Variants in ZEB1 observed in about 807,000 individuals in gnomAD.
The protein encoded by ZEB1 is zinc finger E-box-binding homeobox 1.
Under a neutral mutation model 84.9 loss-of-function variants are expected in ZEB1, and 21 were observed. That is an observed-to-expected ratio of 0.25 (90% CI 0.18 to 0.36). The LOEUF (loss-of-function observed/expected upper bound fraction) is 0.36, where lower values mean the gene tolerates loss of function less well. ZEB1 is among the 10% of genes least tolerant of loss of function. The pLI, the probability that ZEB1 is intolerant of heterozygous loss-of-function variation, is 1.00. For missense variants in ZEB1, 1,104 were observed against 1,330.2 expected (o/e 0.83, Z 2.65); for synonymous variants, 420 against 471.1 (o/e 0.89, Z 1.41).
chr10:31,397,493 G>A (rs1030663548), intron 1 of ZEB1, among the ~76,000 whole-genome samples: 1 of 151,792 alleles, frequency 6.6e-6, no homozygotes, highest in Non-Finnish European at 1.5e-5. Context: ...TCCTATTTTT[G>A]GACAGGCATA....
At chr10:31,449,481 TC>T (rs1387436237) in intron 1 of ZEB1, among the ~76,000 whole-genome samples, 1 of 152,216 alleles carries the variant, frequency 6.6e-6, no homozygotes, top group Non-Finnish European at 1.5e-5. Flanking sequence ...CAGTTTTTTT[TC>T]TAAGTTAAAG....
At position 31,446,519 on chromosome 10, in the gene ZEB1, G is replaced by A. The variant is rs952134076; in HGVS notation, c.59-14518G>A. Among the ~76,000 whole-genome samples, 102 of 149,104 alleles carry A rather than the reference G, an allele frequency of 6.8e-4. 2 individuals carry two copies. Among genetic ancestry groups the A allele is most frequent in the African/African-American group, 2.4e-3 (98 of 40,750 alleles). ...ATTGTGATGTTAGGGTGTCAATTTT[G>A]GATCTTTCCTGCTTTCTCTTGTGGG... On this transcript the variant is annotated intron_variant, in intron 1 of 8. Transcript: ENST00000424869.
chr10:31,510,971 G>T lies in ZEB1; in HGVS notation c.687+96G>T. 2 of 1,191,264 alleles carry T rather than the reference G, an allele frequency of 1.7e-6. 1 individual carries two copies. The allele number at this position is 1,191,264 out of a possible 1,614,324, so 73.8% of individuals were successfully genotyped here. On this transcript the variant is annotated intron_variant, in intron 5 of 8. Transcript: ENST00000424869. ...ATTTTAATATATTTGAAAGTTAAAA[G>T]AATGTACTAAACAGTGCTATATCTG... is the stretch of plus-strand genomic sequence containing the variant.
intron 2 of ZEB1, among the ~76,000 whole-genome samples, chr10:31,486,543 T>C (rs1407907048): frequency 6.6e-6 from 1 of 151,598 alleles, no homozygotes; most frequent in Non-Finnish European, 1.5e-5. Flanking sequence ...TAACACCTTT[T>C]GTGTATTTTC....
At chr10:31,443,633 A>G (rs1452746781) in intron 1 of ZEB1, among the ~76,000 whole-genome samples, 95 of 140,922 alleles carry the variant, frequency 6.7e-4, no homozygotes, top group African/African-American at 1.2e-3. Context: ...TCATTGTTCA[A>G]TTCCCACCTA....
chr10:31,344,930 C>G (rs916020806), intron 1 of ZEB1, among the ~76,000 whole-genome samples: 2 of 152,032 alleles, frequency 1.3e-5, no homozygotes, highest in African/African-American at 4.8e-5. Context: ...GAAATCTTAA[C>G]TTGAAATTTA....
At chr10:31,479,433 T>G (rs1294904076) in intron 2 of ZEB1, among the ~76,000 whole-genome samples, 1 of 151,770 alleles carries the variant, frequency 6.6e-6, no homozygotes, top group Non-Finnish European at 1.5e-5. Flanking sequence ...GATATCAAAT[T>G]CAAATAAGAA....
chr10:31,363,418 A>C (rs970909231), intron 1 of ZEB1: 133 of 1,534,292 alleles, frequency 8.7e-5, no homozygotes, highest in Admixed American at 3.7e-4. Context: ...CTTGAGGTGG[A>C]CATTTCCCTC....
intron 1 of ZEB1, among the ~76,000 whole-genome samples, chr10:31,450,133 AT>A (rs1232934714): frequency 3.9e-5 from 6 of 152,254 alleles, no homozygotes; most frequent in African/African-American, 1.4e-4. Context: ...TCAAAATTGC[AT>A]TGAATTTATA....
At chr10:31,337,471 GCTA>G (rs910191867) in intron 1 of ZEB1, among the ~76,000 whole-genome samples, 5 of 151,620 alleles carry the variant, frequency 3.3e-5, no homozygotes, top group African/African-American at 1.2e-4. Context: ...GTAATTTATG[GCTA>G]CTGATAATCA....
At chr10:31,400,177 AT>A (rs2051681653) in intron 1 of ZEB1, among the ~76,000 whole-genome samples, 1 of 152,134 alleles carries the variant, frequency 6.6e-6, no homozygotes, top group Admixed American at 6.6e-5. Context: ...CTCCACTAGA[AT>A]ATAAAGGCTT....
chr10:31,404,990 A>G (rs1204657921), intron 1 of ZEB1, among the ~76,000 whole-genome samples: 1 of 152,130 alleles, frequency 6.6e-6, no homozygotes, highest in Non-Finnish European at 1.5e-5. Flanking sequence ...CTATGTTGAA[A>G]TTCTTAATCA....
chr10:31,382,047 C>A (rs1008647775), intron 1 of ZEB1, among the ~76,000 whole-genome samples: 6 of 141,724 alleles, frequency 4.2e-5, no homozygotes, highest in Admixed American at 7.0e-5. Context: ...AAGTAAATTT[C>A]CCTTGAAGCC....
intron 4 of ZEB1, among the ~76,000 whole-genome samples, chr10:31,506,827 C>T (rs962051882): frequency 6.6e-6 from 1 of 151,926 alleles, no homozygotes; most frequent in Admixed American, 6.6e-5. Context: ...ATCATTTGTT[C>T]CTTTCTTTCT....
chr10:31,338,311 A>G (rs542526226), intron 1 of ZEB1, among the ~76,000 whole-genome samples: 6 of 152,314 alleles, frequency 3.9e-5, no homozygotes, highest in South Asian at 4.1e-4. Flanking sequence ...TTAAAATATT[A>G]ATTTATTTAG....
intron 4 of ZEB1, among the ~76,000 whole-genome samples, chr10:31,507,138 T>C (rs2069119924): frequency 6.6e-6 from 1 of 152,176 alleles, no homozygotes; most frequent in Admixed American, 6.5e-5. Flanking sequence ...TTTCTTTCAA[T>C]ACTTTGAATA....
chr10:31,362,164 G>A (rs533725515), intron 1 of ZEB1, among the ~76,000 whole-genome samples: 59 of 151,224 alleles, frequency 3.9e-4, no homozygotes, highest in Non-Finnish European at 7.5e-4. Context: ...ATGGGGCGGC[G>A]GCTGGGCAGA....
intron 2 of ZEB1, among the ~76,000 whole-genome samples, chr10:31,468,889 C>G (rs775991431): frequency 3.3e-5 from 5 of 152,224 alleles, no homozygotes; most frequent in East Asian, 3.9e-4. Context: ...TGTGACACCC[C>G]TAAAGGACCA....
chr10:31,515,085 A>C (rs748757202), intron 6 of ZEB1, among the ~76,000 whole-genome samples: 11 of 152,090 alleles, frequency 7.2e-5, no homozygotes, highest in Non-Finnish European at 1.5e-4. Context: ...GGAAGTGAAG[A>C]CATCCTTTAT....
Sources: gnomAD v4.1 joint callset for allele counts (sites outside exome capture counted in the v4.1 genomes callset) on GRCh38, gnomAD v4.1.1 for gene constraint, MANE v1.5 for transcripts, NCBI Gene and HGNC (gene_info 2026-07-23, HGNC 2026-07-21) for gene names.